The following CHD6 variants were observed in gnomAD, a reference collection of about 807,000 sequenced individuals.
CHD6 encodes the protein ATP-dependent chromatin remodeler CHD6.
A neutral mutation model predicts 276.9 loss-of-function variants in CHD6; 50 were observed. The ratio of observed to expected loss-of-function variants is 0.18; its 90% CI spans 0.14 to 0.23. The LOEUF (loss-of-function observed/expected upper bound fraction) is 0.23. Ranked by LOEUF, CHD6 falls within the 10% of genes least tolerant of loss-of-function variation. The pLI is 1.00. For synonymous variants in CHD6, 1,173 were observed against 1,229.3 expected, an observed-to-expected ratio of 0.95 and a Z score of 0.96; for missense variants, 2,564 against 3,365.8, an observed-to-expected ratio of 0.76 and a Z score of 5.89.
At chr20:41,489,263 C>T (rs2043492332) in intron 12 of CHD6, among the ~76,000 whole-genome samples, 1 of 152,124 alleles carries the variant, frequency 6.6e-6, no homozygotes, top group Admixed American at 6.6e-5. Context: ...TTATAAAAAC[C>T]AATGTGCAGG....
At chr20:41,563,294 G>C (rs914924718) in intron 1 of CHD6, among the ~76,000 whole-genome samples, 1 of 152,104 alleles carries the variant, frequency 6.6e-6, no homozygotes, top group Admixed American at 6.5e-5. Flanking sequence ...TGAATAACAA[G>C]GCTTTTACTC....
chr20:41,566,900 A>G (rs1037749109), intron 1 of CHD6, among the ~76,000 whole-genome samples: 4 of 152,178 alleles, frequency 2.6e-5, no homozygotes, highest in Non-Finnish European at 5.9e-5. Flanking sequence ...AATGGGGTGA[A>G]TAGGAGGTAA....
At chr20:41,505,601 T>A (rs561468933) in intron 5 of CHD6, among the ~76,000 whole-genome samples, 7 of 152,210 alleles carry the variant, frequency 4.6e-5, no homozygotes, top group Admixed American at 1.3e-4. Flanking sequence ...GTTGTTTCCA[T>A]AGCTATTTGA....
In CHD6 at chr20:41,517,119, G is replaced by A. The variant is rs551227879; in HGVS notation, c.555-2167C>T. On this transcript the variant is annotated intron_variant, in intron 3 of 36. Transcript: ENST00000373233. ...AGCTTCTATTCCCCAGGCTGGAGAC[G>A]GGCTTGCCTACCTACCAGGAAAGTT... Among the ~76,000 whole-genome samples the A allele has an allele frequency of 1.5e-3, 223 of 152,244 alleles. 1 individual carries two copies. The highest frequency in any genetic ancestry group is 3.8e-3 in the Admixed American group (58 of 15,290).
chr20:41,444,966 G>A (rs2048019186), intron 25 of CHD6, among the ~76,000 whole-genome samples: 1 of 152,154 alleles, frequency 6.6e-6, no homozygotes, highest in Non-Finnish European at 1.5e-5. Flanking sequence ...TGATTCACCT[G>A]GCAGGGAAAG....
At chr20:41,548,149 G>A (rs1300782756) in intron 2 of CHD6, among the ~76,000 whole-genome samples, 1 of 152,096 alleles carries the variant, frequency 6.6e-6, no homozygotes, top group African/African-American at 2.4e-5. Context: ...TTCATTCTTT[G>A]CAACTTCTTG....
intron 1 of CHD6, among the ~76,000 whole-genome samples, chr20:41,588,432 G>A (rs2045619358): frequency 6.6e-6 from 1 of 152,184 alleles, no homozygotes; most frequent in South Asian, 2.1e-4. Context: ...AGAGGCACTA[G>A]AGGATAAGCC....
chr20:41,464,052 TAG>T (rs1321628650), intron 17 of CHD6, among the ~76,000 whole-genome samples: 5 of 152,090 alleles, frequency 3.3e-5, no homozygotes, highest in African/African-American at 4.8e-5. Flanking sequence ...GCAAAAATGA[TAG>T]AGTCGAGGCA....
intron 36 of CHD6, among the ~76,000 whole-genome samples, chr20:41,409,492 A>G (rs2046780452): frequency 6.6e-6 from 1 of 152,186 alleles, no homozygotes; most frequent in African/African-American, 2.4e-5. Flanking sequence ...CATTATTCCA[A>G]CTCTAAAACT....
intron 26 of CHD6, among the ~76,000 whole-genome samples, chr20:41,437,902 C>A (rs996459885): frequency 5.3e-5 from 8 of 151,638 alleles, no homozygotes; most frequent in African/African-American, 2.0e-4. Flanking sequence ...ATCACTTCTA[C>A]AGGCAAGGAC....
chr20:41,530,176 A>G (rs1166231968), intron 3 of CHD6, among the ~76,000 whole-genome samples: 2 of 152,238 alleles, frequency 1.3e-5, no homozygotes, highest in Non-Finnish European at 2.9e-5. Flanking sequence ...CCAGTTTACC[A>G]ATAACCGAGC....
At chr20:41,444,789 A>T (rs961666709) in intron 25 of CHD6, among the ~76,000 whole-genome samples, 2 of 152,190 alleles carry the variant, frequency 1.3e-5, no homozygotes, top group Non-Finnish European at 2.9e-5. Flanking sequence ...ACCCCTAGGT[A>T]GGCTGTTTTG....
At chr20:41,426,879 T>G (rs867176992) in intron 27 of CHD6, among the ~76,000 whole-genome samples, 1 of 152,220 alleles carries the variant, frequency 6.6e-6, no homozygotes, top group Non-Finnish European at 1.5e-5. Flanking sequence ...CAGAAGTGAC[T>G]GTGCTATTTT....
In CHD6 at chr20:41,404,446, T is replaced by TCG; in HGVS notation, c.*146_*147insCG. On this transcript the variant is annotated 3_prime_UTR_variant, in exon 37 of 37. Transcript: ENST00000373233. ...GTGAGACCCTGCAACTATTAACATC[T>TCG]GTTACCATAGTTCTCAGACAGGAAA... is the stretch of plus-strand genomic sequence containing the variant. 1 of 1,349,960 alleles carries TCG rather than the reference T, an allele frequency of 7.4e-7. No individual in the cohort carries two copies. Among genetic ancestry groups the TCG allele is most frequent in the African/African-American group, 1.5e-5 (1 of 68,656 alleles). 83.6% of individuals were successfully genotyped at this position (1,349,960 alleles called of 1,614,324 possible).
At chr20:41,517,887 G>C (rs2044290018) in intron 3 of CHD6, among the ~76,000 whole-genome samples, 1 of 152,184 alleles carries the variant, frequency 6.6e-6, no homozygotes. Context: ...CATGTATTTT[G>C]CCTCTTTTTT....
intron 31 of CHD6, 105 bp downstream of exon 31, chr20:41,420,403 T>C: frequency 1.5e-6 from 2 of 1,302,918 alleles, no homozygotes; most frequent in South Asian, 1.4e-5. Context: ...GGCAGGTCTG[T>C]TTCAGAAGCT....
At position 41,476,533 on chromosome 20, in the gene CHD6, A is replaced by T. The variant is rs1032864111; in HGVS notation, c.2469-3016T>A. Among the ~76,000 whole-genome samples the T allele has an allele frequency of 3.3e-5, 5 of 152,206 alleles. No homozygotes were observed. In the East Asian group the frequency reaches 9.6e-4, roughly 29 times the overall value. On this transcript the variant is annotated intron_variant, in intron 16 of 36. Coordinates refer to ENST00000373233, the MANE Select transcript of CHD6 (RefSeq NM_032221.5). ...CAAAAAAGCAAAACAAAACAAAACC[A>T]ACACCAAAAACCATTCACAACAGTT... is the stretch of plus-strand genomic sequence containing the variant.
rs544980393 is a variant in CHD6 at position 41,501,536 on chromosome 20, A to G, written c.853-2179T>C. On this transcript the variant is annotated intron_variant, in intron 5 of 36. Coordinates refer to ENST00000373233, the MANE Select transcript of CHD6 (RefSeq NM_032221.5). ...TTTTTAACACTGTGAAGTATTTTGT[A>G]ATATAAACTATCCACTCTACTGTTG... 2.0e-5 allele frequency among the ~76,000 whole-genome samples: 3 copies of G among 152,288 alleles called. No homozygotes were observed. The South Asian group carries it at 6.2e-4, about 32-fold the overall frequency.
intron 9 of CHD6, 21 bp from the exon 10 acceptor site, chr20:41,493,693 A>C: frequency 6.2e-7 from 1 of 1,612,870 alleles, no homozygotes; most frequent in Non-Finnish European, 8.5e-7. Flanking sequence ...AACAGGAAAG[A>C]AACTTAATGT....
Sources: allele counts gnomAD v4.1 joint callset (sites outside exome capture counted in the v4.1 genomes callset), GRCh38; gene constraint gnomAD v4.1.1; transcripts MANE v1.5; gene names NCBI Gene and HGNC (gene_info 2026-07-23, HGNC 2026-07-21).